Variants in NOTCH2 observed in about 807,000 individuals in gnomAD.
The protein encoded by NOTCH2 is neurogenic locus notch homolog protein 2.
NOTCH2 carries 29 observed loss-of-function variants against 235.8 expected under a neutral mutation model. That is an observed-to-expected ratio of 0.12 (90% CI 0.09 to 0.17). The LOEUF is 0.17. Among genes scored for constraint, NOTCH2 ranks in the 10% least tolerant of loss-of-function variants. The pLI is 1.00. For missense variants in NOTCH2, 2,285 were observed against 3,150.2 expected (o/e 0.73, Z 6.57); for synonymous variants, 1,086 against 1,141.5 (o/e 0.95, Z 0.98).
chr1:119,922,116 C>A, intron 28 of NOTCH2, 120 bp downstream of exon 28: 1 of 1,138,264 alleles, frequency 8.8e-7, no homozygotes, highest in Non-Finnish European at 1.3e-6. Context: ...CATTTAGAAT[C>A]ATGGTCAATG....
At chr1:119,954,977 T>A in intron 13 of NOTCH2, 63 bp downstream of exon 13, 1 of 1,554,046 alleles carries the variant, frequency 6.4e-7, no homozygotes, top group Non-Finnish European at 8.9e-7. Context: ...CTGTCACCAG[T>A]ACTACAAGCC....
At position 119,928,873 on chromosome 1, in the gene NOTCH2, T is replaced by C. The variant is rs1649559612; in HGVS notation, c.3892+103A>G. The C allele has an allele frequency of 1.1e-5, 11 of 962,430 alleles. No homozygotes were observed. In the Admixed American group the frequency reaches 1.8e-4, roughly 15 times the overall value. 59.6% of individuals were successfully genotyped at this position (962,430 alleles called of 1,614,324 possible). A position where few individuals can be genotyped will look rare whatever the true frequency, so the allele number is the denominator to read the frequency against. ...TTAAGCTGCTGTTGTTTTTCTTATA[T>C]AAGAAAAGCTTCACTTGGGTCTGGG... On this transcript the variant is annotated intron_variant, in intron 23 of 33. Coordinates refer to ENST00000256646, the MANE Select transcript of NOTCH2 (RefSeq NM_024408.4).
At chr1:119,966,341 T>A (rs782540942) in intron 9 of NOTCH2, 35 bp downstream of exon 9, 2 of 1,452,406 alleles carry the variant, frequency 1.4e-6, no homozygotes, top group Non-Finnish European at 1.9e-6. Context: ...GCTTTGTGCT[T>A]TAAGAGAAAA....
intron 3 of NOTCH2, among the ~76,000 whole-genome samples, chr1:120,000,613 G>T (rs1388148964): frequency 6.8e-6 from 1 of 146,782 alleles, no homozygotes; most frequent in Admixed American, 6.7e-5. Flanking sequence ...AAAGGAAGAA[G>T]TTTTAATTTG....
chr1:119,937,147 C>A, intron 21 of NOTCH2, 135 bp downstream of exon 21: 2 of 890,178 alleles, frequency 2.2e-6, no homozygotes, highest in Non-Finnish European at 3.7e-6. Flanking sequence ...CAGTGGTAAA[C>A]ATTATGACGG....
intron 21 of NOTCH2, among the ~76,000 whole-genome samples, chr1:119,937,041 T>C (rs1553195794): frequency 1.3e-5 from 2 of 152,168 alleles, no homozygotes; most frequent in African/African-American, 2.4e-5. Flanking sequence ...CTCTGAATCC[T>C]AAAAGCAAGC....
chr1:119,943,019 C>T (rs1187947297), intron 17 of NOTCH2, among the ~76,000 whole-genome samples: 2 of 152,016 alleles, frequency 1.3e-5, no homozygotes, highest in East Asian at 3.9e-4. Context: ...ATTACAGGTG[C>T]CTGCCACCAC....
rs2101122550 is a variant in NOTCH2 at position 119,953,705 on chromosome 1, C to G, written c.2220-17G>C. The G allele has an allele frequency of 3.1e-6, 5 of 1,612,894 alleles. No homozygotes were observed. The highest frequency in any genetic ancestry group is 4.2e-6 in the Non-Finnish European group (5 of 1,178,914). On this transcript the variant is annotated splice_polypyrimidine_tract_variant and intron_variant, in intron 13 of 33. Transcript: ENST00000256646. The stretch of plus-strand genomic sequence containing the variant: ...CACTTATATCTGAAAGAAGACAAAA[C>G]TTTTTACTATAGGAGGTATAAACGT...
intron 1 of NOTCH2, among the ~76,000 whole-genome samples, chr1:120,047,971 T>C (rs1553213909): frequency 6.6e-6 from 1 of 150,612 alleles, no homozygotes; most frequent in Non-Finnish European, 1.5e-5. Flanking sequence ...TTTTGCCACA[T>C]TGGCCAGGCT....
In NOTCH2 at chr1:120,005,348, G is replaced by A. The variant is rs1553206110; in HGVS notation, c.396C>T (p.Thr132=). ...HMLSRDTYEC[T]CQVGFTGKEC... is the part of the protein sequence containing the mutation. ...AGTTACCTGTAAACCCGACTTGACA[G>A]GTGCACTCATAGGTATCCCGGCTGA... The change falls in exon 3 of 34, where the codon ACC becomes ACT. Residue 132 remains threonine (T), a synonymous_variant. Transcript: ENST00000256646. The A allele has an allele frequency of 1.2e-6, 2 of 1,613,946 alleles. No individual in the cohort carries two copies. Among genetic ancestry groups the A allele is most frequent in the Admixed American group, 1.7e-5 (1 of 60,008 alleles).
intron 4 of NOTCH2, 74 bp from the exon 5 acceptor site, chr1:119,987,156 A>G (rs951141271): frequency 6.3e-7 from 1 of 1,583,720 alleles, no homozygotes; most frequent in Non-Finnish European, 8.6e-7. Flanking sequence ...CCCACAGAAC[A>G]TGGTTATTAG....
Position 119,913,934 on chromosome 1 carries a change from T to C in NOTCH2, c.*1372A>G, listed in dbSNP as rs1648976004. On this transcript the variant is annotated 3_prime_UTR_variant, in exon 34 of 34. Coordinates refer to ENST00000256646, the MANE Select transcript of NOTCH2 (RefSeq NM_024408.4). ...ACTTTCCAATTCCTGCACTTGAACA[T>C]ATAAAGTCCATGTCTTCAGTGAGAA... 1 of 232,838 alleles carries C rather than the reference T, an allele frequency of 4.3e-6. No individual in the cohort carries two copies. The highest frequency in any genetic ancestry group is 8.5e-6 in the Non-Finnish European group (1 of 117,878). 14.4% of individuals were successfully genotyped at this position (232,838 alleles called of 1,614,324 possible).
rs781976514 is a variant in NOTCH2 at position 119,929,207 on chromosome 1, G to A, written c.3661C>T (p.Leu1221Phe). The part of the protein sequence containing the change: ...CSCPPGTRGL[L>F]CEENIDDCAR... Reference sequence around the variant, plus strand: ...CAGTCATCAATGTTCTCTTCACAGAGTAGGCCTGGAGGAAAGAGAAGAGGT... The same window carrying A: ...CAGTCATCAATGTTCTCTTCACAGAATAGGCCTGGAGGAAAGAGAAGAGGT... Residue 1221 changes from leucine (L) to phenylalanine (F), a missense_variant, in exon 23 of 34, where the codon CTC becomes TTC. Leu to Phe is a conservative substitution (Grantham distance 22, BLOSUM62 0). This residue lies in a region of NOTCH2 where 1,173 missense variants were observed against 1,515.3 expected (regional missense o/e 0.77). Coordinates refer to ENST00000256646, the MANE Select transcript of NOTCH2 (RefSeq NM_024408.4). 2 of 1,612,950 alleles carry A rather than the reference G, an allele frequency of 1.2e-6. No homozygotes were observed. The highest frequency in any genetic ancestry group is 1.1e-5 in the South Asian group (1 of 91,070).
intron 1 of NOTCH2, among the ~76,000 whole-genome samples, chr1:120,034,423 G>A: frequency 2.1e-5 from 2 of 94,622 alleles, no homozygotes; most frequent in African/African-American, 4.7e-5. Context: ...CAAAAATCTA[G>A]AAGCCAATTT....
intron 17 of NOTCH2, among the ~76,000 whole-genome samples, chr1:119,946,636 A>G (rs1650264177): frequency 6.6e-6 from 1 of 152,076 alleles, no homozygotes; most frequent in African/African-American, 2.4e-5. Context: ...TAAAAATACA[A>G]AAAGACCTCT....
intron 11 of NOTCH2, among the ~76,000 whole-genome samples, chr1:119,960,383 T>C (rs782026433): frequency 2.6e-5 from 4 of 151,696 alleles, no homozygotes; most frequent in Admixed American, 2.0e-4. Context: ...ACTGCCCAGA[T>C]GAATGGAAGA....
intron 5 of NOTCH2, among the ~76,000 whole-genome samples, chr1:119,985,147 G>C (rs1471252242): frequency 6.6e-6 from 1 of 152,062 alleles, no homozygotes; most frequent in East Asian, 1.9e-4. Context: ...AACAGAAGAA[G>C]GATCTTAGAC....
At position 119,950,591 on chromosome 1, in the gene NOTCH2, G is replaced by A. The variant is rs1396984268; in HGVS notation, c.2479+133C>T. The A allele has an allele frequency of 3.4e-5, 25 of 734,796 alleles. 1 individual carries two copies. In the Admixed American group the frequency reaches 4.6e-4, roughly 14 times the overall value. The allele number at this position is 734,796 out of a possible 1,614,324, so 45.5% of individuals were successfully genotyped here. On this transcript the variant is annotated intron_variant, in intron 15 of 33. Coordinates refer to ENST00000256646, the MANE Select transcript of NOTCH2 (RefSeq NM_024408.4). Reference sequence around the variant, plus strand: ...AAAGCTCAAGATCCAGTCAGTAAAGGCAGGAAGGACAACTGAGGAGTGAGC... The same window carrying A: ...AAAGCTCAAGATCCAGTCAGTAAAGACAGGAAGGACAACTGAGGAGTGAGC...
intron 5 of NOTCH2, among the ~76,000 whole-genome samples, chr1:119,972,548 C>T (rs1389452038): frequency 2.0e-5 from 3 of 152,132 alleles, no homozygotes; most frequent in Non-Finnish European, 4.4e-5. Flanking sequence ...ATTTTGTATA[C>T]ATTTCTTATG....
Sources: allele counts gnomAD v4.1 joint callset (sites outside exome capture counted in the v4.1 genomes callset), GRCh38; gene constraint gnomAD v4.1.1; regional missense constraint gnomAD v4.1.1; transcripts MANE v1.5; gene names NCBI Gene and HGNC (gene_info 2026-07-23, HGNC 2026-07-21).